The following MARCO variants were observed in gnomAD, a reference collection of about 807,000 sequenced individuals.
MARCO encodes the protein macrophage receptor MARCO.
Under a neutral mutation model 70.0 loss-of-function variants are expected in MARCO, and 72 were observed. The ratio of observed to expected loss-of-function variants is 1.03; its 90% CI spans 0.85 to 1.25. MARCO has a LOEUF of 1.25. Among genes scored for constraint, MARCO ranks in the 50% most tolerant of loss-of-function variants. The probability of loss-of-function intolerance (pLI) is 0.00; values close to 1 mark genes in which losing one functional copy is unlikely to be tolerated. For synonymous variants in MARCO, 273 were observed against 243.1 expected (o/e 1.12, Z -1.14); for missense variants, 696 against 659.3 (o/e 1.06, Z -0.61).
At chr2:118,952,632 A>T (rs978102) in intron 1 of MARCO, 13,642 of 152,114 alleles carry the variant, frequency 0.09, 836 homozygotes, top group South Asian at 0.27. Context: ...GCACAAAGTC[A>T]TCGCTGCAGT....
chr2:118,960,385 T>G (rs1345071859), intron 1 of MARCO, among the ~76,000 whole-genome samples: 1 of 152,136 alleles, frequency 6.6e-6, no homozygotes, highest in Non-Finnish European at 1.5e-5. Context: ...AGTATGATGT[T>G]AGCTTTAGAT....
chr2:118,952,416 C>T (rs887856833), intron 1 of MARCO, among the ~76,000 whole-genome samples: 4 of 152,304 alleles, frequency 2.6e-5, no homozygotes, highest in South Asian at 2.1e-4. Flanking sequence ...TGGCAGGATC[C>T]GCCCTAAGCC....
intron 1 of MARCO, among the ~76,000 whole-genome samples, chr2:118,945,159 T>A (rs1679571462): frequency 6.6e-6 from 1 of 152,124 alleles, no homozygotes; most frequent in African/African-American, 2.4e-5. Context: ...AAACTGCTCT[T>A]TTGCCCCATC....
At chr2:118,986,765 G>GAAAGAAAAGAAAGAGTGTGAGAGA (rs1680525919) in intron 12 of MARCO, among the ~76,000 whole-genome samples, 1 of 151,346 alleles carries the variant, frequency 6.6e-6, no homozygotes, top group African/African-American at 2.4e-5. Context: ...AAAGAAGAAA[G>GAAAGAAAAGAAAGAGTGTGAGAGA]AAAGAAAAGA....
chr2:118,993,260 G>C lies in MARCO; in HGVS notation c.1389G>C (p.Leu463=), dbSNP rs761471559. ...NSDAIVFCRM[L]GYSKGRALYK... ...ATGCCATTGTCTTCTGCCGCATGCT[G>C]GGTTACTCCAAAGGAAGGGCCCTGT... The change falls in exon 16 of 17, where the codon CTG becomes CTC. Residue 463 remains leucine (L), a synonymous_variant. Coordinates refer to ENST00000327097, the MANE Select transcript of MARCO (RefSeq NM_006770.4). 1 of 1,614,066 alleles carries C rather than the reference G, an allele frequency of 6.2e-7. No individual in the cohort carries two copies. The highest frequency in any genetic ancestry group is 8.5e-7 in the Non-Finnish European group (1 of 1,180,040).
intron 12 of MARCO, among the ~76,000 whole-genome samples, chr2:118,986,676 A>AAAGAAAGAAAGAAAGAAAGAAAGAAG (rs1558671765): frequency 2.2e-5 from 1 of 44,874 alleles, no homozygotes; most frequent in African/African-American, 1.3e-4. Context: ...AAGGAAGGAA[A>AAAGAAAGAAAGAAAGAAAGAAAGAAG]GAAAGAAAGA....
At chr2:118,979,433 G>A (rs922999441) in intron 8 of MARCO, among the ~76,000 whole-genome samples, 3 of 152,164 alleles carry the variant, frequency 2.0e-5, no homozygotes, top group African/African-American at 7.2e-5. Flanking sequence ...CTGGCACCAG[G>A]AACATGGTTG....
intron 1 of MARCO, among the ~76,000 whole-genome samples, chr2:118,965,184 T>C (rs1438404774): frequency 1.3e-5 from 2 of 152,190 alleles, no homozygotes; most frequent in Non-Finnish European, 2.9e-5. Flanking sequence ...ATATGAATTG[T>C]AGGTGTTTTG....
intron 12 of MARCO, among the ~76,000 whole-genome samples, chr2:118,985,325 C>A (rs1680464012): frequency 6.6e-6 from 1 of 152,158 alleles, no homozygotes; most frequent in African/African-American, 2.4e-5. Context: ...AGCCACACCT[C>A]CCACTCCTCC....
At chr2:118,950,489 C>A (rs1679701081) in intron 1 of MARCO, among the ~76,000 whole-genome samples, 1 of 152,154 alleles carries the variant, frequency 6.6e-6, no homozygotes, top group Non-Finnish European at 1.5e-5. Context: ...AGGTAGAAAT[C>A]CACATTCTTA....
chr2:118,942,977 A>C (rs1679533473), intron 1 of MARCO, among the ~76,000 whole-genome samples: 1 of 152,218 alleles, frequency 6.6e-6, no homozygotes, highest in Admixed American at 6.5e-5. Context: ...TTTCTCACTC[A>C]GCATTCAACA....
chr2:118,986,719 AAGAAAAGAAAGAAAGAAAGAG>A (rs1680520594), intron 12 of MARCO, among the ~76,000 whole-genome samples: 1 of 118,646 alleles, frequency 8.4e-6, no homozygotes, highest in African/African-American at 4.3e-5. Flanking sequence ...GAAAGAAAGA[AAGAAAAGAAAGAAAGAAAGAG>A]AAAGAAAGAG....
intron 1 of MARCO, among the ~76,000 whole-genome samples, chr2:118,948,320 C>T (rs550898388): frequency 4.6e-5 from 7 of 152,304 alleles, no homozygotes; most frequent in South Asian, 4.2e-4. Context: ...GGAGCAGGAC[C>T]TCACAATCTT....
rs1395820087 is a variant in MARCO at position 118,981,665 on chromosome 2, T to G, written c.901+9T>G. ...AGCTAAAGGAGATCAAGGTAAGAAC[T>G]ACAGGAATCTGGGCATCATCCCAGC... On this transcript the variant is annotated intron_variant, in intron 10 of 16. Coordinates refer to ENST00000327097, the MANE Select transcript of MARCO (RefSeq NM_006770.4). The G allele has an allele frequency of 2.5e-6, 4 of 1,613,006 alleles. No individual in the cohort carries two copies. In the African/African-American group the frequency reaches 4.0e-5, roughly 16 times the overall value.
intron 12 of MARCO, among the ~76,000 whole-genome samples, chr2:118,983,493 G>A (rs6722472): frequency 3.3e-5 from 5 of 151,968 alleles, no homozygotes; most frequent in Non-Finnish European, 5.9e-5. Flanking sequence ...GTAATCTGTC[G>A]AGCCCCAGAG....
chr2:118,968,675 G>GA (rs1303245626), intron 1 of MARCO, among the ~76,000 whole-genome samples: 4 of 151,480 alleles, frequency 2.6e-5, no homozygotes, highest in East Asian at 3.9e-4. Flanking sequence ...AAATCTTAAG[G>GA]AAAAAAAAGA....
chr2:118,974,476 C>G, intron 5 of MARCO, 36 bp downstream of exon 5: 2 of 1,612,650 alleles, frequency 1.2e-6, no homozygotes, highest in Non-Finnish European at 1.7e-6. Flanking sequence ...TAATCATTTT[C>G]CTCCTCCTTC....
At chr2:118,981,585 G>GA (rs762738682) in intron 9 of MARCO, 36 bp from the exon 10 acceptor site, 149 of 1,579,548 alleles carry the variant, frequency 9.4e-5, no homozygotes, top group East Asian at 3.6e-4. Context: ...TGAGCCAAAG[G>GA]AAAAAAAAAT....
At chr2:118,982,314 A>G in intron 11 of MARCO, 34 bp from the exon 12 acceptor site, 2 of 1,612,784 alleles carry the variant, frequency 1.2e-6, no homozygotes, top group Non-Finnish European at 8.5e-7. Flanking sequence ...TGCCTAGTCC[A>G]GCCCTTATGC....
Sources: gnomAD v4.1 joint callset for allele counts (sites outside exome capture counted in the v4.1 genomes callset) on GRCh38, gnomAD v4.1.1 for gene constraint, MANE v1.5 for transcripts, NCBI Gene and HGNC (gene_info 2026-07-23, HGNC 2026-07-21) for gene names.